The following TBC1D7 variants were observed in gnomAD, a reference collection of about 807,000 sequenced individuals.
The protein encoded by TBC1D7 is TBC1 domain family member 7.
In TBC1D7, 33 loss-of-function variants were observed where a neutral mutation model predicts 35.3. The ratio of observed to expected loss-of-function variants is 0.93; its 90% CI spans 0.71 to 1.25. The LOEUF is 1.25. Ranked by LOEUF, TBC1D7 falls within the 50% of genes most tolerant of loss-of-function variation. TBC1D7 has a pLI of 0.00. For missense variants in TBC1D7, 362 were observed against 365.3 expected (o/e 0.99, Z 0.07); for synonymous variants, 135 against 129.5 (o/e 1.04, Z -0.29).
intron 5 of TBC1D7, among the ~76,000 whole-genome samples, chr6:13,309,773 G>A (rs1783064855): frequency 6.6e-6 from 1 of 152,036 alleles, no homozygotes; most frequent in Non-Finnish European, 1.5e-5. Flanking sequence ...GTATTTTGCT[G>A]TTTGCATTCA....
At chr6:13,324,939 C>T (rs1784303582) in intron 3 of TBC1D7, among the ~76,000 whole-genome samples, 155 bp downstream of exon 3, 2 of 152,184 alleles carry the variant, frequency 1.3e-5, no homozygotes, top group Admixed American at 1.3e-4. Context: ...ATTAATAGAA[C>T]AGAAAATAAT....
At chr6:13,327,047 A>G (rs1784449258) in intron 1 of TBC1D7, 141 bp from the exon 2 acceptor site, 1 of 514,814 alleles carries the variant, frequency 1.9e-6, no homozygotes, top group Middle Eastern at 3.4e-4. Flanking sequence ...CATAGGACCC[A>G]ATATTAAATT....
intron 3 of TBC1D7, among the ~76,000 whole-genome samples, chr6:13,324,799 C>T (rs550842577): frequency 9.9e-5 from 15 of 152,154 alleles, no homozygotes; most frequent in Non-Finnish European, 1.6e-4. Context: ...AAAATGAGTC[C>T]CAGAGGGGTC....
intron 5 of TBC1D7, among the ~76,000 whole-genome samples, chr6:13,312,934 C>A (rs1395421052): frequency 6.6e-6 from 1 of 151,986 alleles, no homozygotes; most frequent in Admixed American, 6.6e-5. Context: ...CTCAACCAAC[C>A]ATGGGCCAAA....
intron 5 of TBC1D7, among the ~76,000 whole-genome samples, chr6:13,308,960 G>A (rs1783000534): frequency 6.6e-6 from 1 of 152,230 alleles, no homozygotes; most frequent in African/African-American, 2.4e-5. Flanking sequence ...AGTTTCTCAG[G>A]AGAGGTGACA....
chr6:13,307,436 A>G, intron 6 of TBC1D7, 164 bp downstream of exon 6: 1 of 698,120 alleles, frequency 1.4e-6, no homozygotes, highest in South Asian at 1.9e-5. Flanking sequence ...TGTATATTCA[A>G]GAATAAGCAG....
At position 13,307,671 on chromosome 6, in the gene TBC1D7, C is replaced by A. The variant is rs34393712; in HGVS notation, c.594G>T (p.Ala198=). ...LLTHLRMCSA[A]PKLPYDLWFK... ...ACCAGAGATCATAAGGAAGTTTGGGCGCCGCGGAACACATCCTCAGATGAG... is the reference window on the plus strand; with the variant it reads ...ACCAGAGATCATAAGGAAGTTTGGGAGCCGCGGAACACATCCTCAGATGAG... Residue 198 remains alanine (A), a synonymous_variant, in exon 6 of 8, where the codon GCG becomes GCT. Coordinates refer to ENST00000379300, the MANE Select transcript of TBC1D7 (RefSeq NM_016495.6). 13 of 1,614,092 alleles carry A rather than the reference C, an allele frequency of 8.1e-6. No homozygotes were observed. The African/African-American group carries it at 1.6e-4, about 20-fold the overall frequency.
At chr6:13,305,671 G>T in intron 7 of TBC1D7, 2 of 174,822 alleles carry the variant, frequency 1.1e-5, no homozygotes, top group Admixed American at 5.5e-5. Flanking sequence ...AATAGATTTT[G>T]GATTCTGTGA....
rs480329 is a variant in TBC1D7, at chr6:13,316,773, T to C, written c.382-65A>G. On this transcript the variant is annotated intron_variant, in intron 4 of 7. Coordinates refer to ENST00000379300, the MANE Select transcript of TBC1D7 (RefSeq NM_016495.6). Reference sequence around the variant, plus strand: ...AAGAGAGGAATACATATTTCTTTAATAAAAAATGAAACCTTGCTCCCTAAA... The same window carrying C: ...AAGAGAGGAATACATATTTCTTTAACAAAAAATGAAACCTTGCTCCCTAAA... 4,213 of 1,564,914 alleles carry C rather than the reference T, an allele frequency of 2.7e-3. 79 individuals carry two copies. In the African/African-American group the frequency reaches 0.047, roughly 17 times the overall value.
intron 3 of TBC1D7, among the ~76,000 whole-genome samples, chr6:13,322,772 A>C (rs1232538405): frequency 6.6e-6 from 1 of 152,234 alleles, no homozygotes; most frequent in Non-Finnish European, 1.5e-5. Flanking sequence ...CCAAGGGAAC[A>C]CACTAAAGTG....
intron 1 of TBC1D7, 94 bp from the exon 2 acceptor site, chr6:13,327,000 A>C: frequency 1.4e-6 from 1 of 693,310 alleles, no homozygotes; most frequent in Non-Finnish European, 2.4e-6. Flanking sequence ...ATAATTTTCA[A>C]TGATGTTCTC....
At chr6:13,316,844 C>CA in intron 4 of TBC1D7, 136 bp from the exon 5 acceptor site, 1 of 1,058,746 alleles carries the variant, frequency 9.4e-7, no homozygotes. Context: ...TCAAAAAGCA[C>CA]AGAGTCCCTC....
chr6:13,322,552 A>G (rs182309010), intron 3 of TBC1D7, among the ~76,000 whole-genome samples: 79 of 152,378 alleles, frequency 5.2e-4, no homozygotes, highest in South Asian at 8.3e-4. Flanking sequence ...ACTAAGCTGT[A>G]TAAGTGTTAG....
chr6:13,327,391 T>C (rs751740051), intron 1 of TBC1D7, among the ~76,000 whole-genome samples: 37 of 152,248 alleles, frequency 2.4e-4, no homozygotes, highest in Non-Finnish European at 5.1e-4. Context: ...TGGTTATCTT[T>C]AGATAGTAGG....
At position 13,321,066 on chromosome 6, in the gene TBC1D7, C is replaced by A. The variant is rs200046961; in HGVS notation, c.223G>T (p.Ala75Ser). The A allele has an allele frequency of 3.1e-6, 5 of 1,613,690 alleles. No individual in the cohort carries two copies. In the East Asian group the frequency reaches 1.1e-4, roughly 36 times the overall value. ...TCCTTACGATACATCATCACCTTGG[C>A]ATGGGACTCGTGGTGTGGAGGCAAG... The part of the protein sequence containing the change: ...GILPPHHESH[A>S]KVMMYRKEQY... The change falls in exon 4 of 8, where the codon GCC becomes TCC. Residue 75 changes from alanine (A) to serine (S), a missense_variant. Transcript: ENST00000379300.
At chr6:13,324,983 T>A (rs1017847900) in intron 3 of TBC1D7, 111 bp downstream of exon 3, 1 of 712,086 alleles carries the variant, frequency 1.4e-6, no homozygotes. Flanking sequence ...GAAGATCCAA[T>A]ATTCAGTAAA....
At chr6:13,328,072 G>A (rs1457910040) in intron 1 of TBC1D7, 1 of 152,130 alleles carries the variant, frequency 6.6e-6, no homozygotes, top group East Asian at 1.9e-4. Context: ...AATGAGTGTG[G>A]GGATTTATTT....
At chr6:13,311,512 A>G (rs1476221326) in intron 5 of TBC1D7, among the ~76,000 whole-genome samples, 3 of 152,234 alleles carry the variant, frequency 2.0e-5, no homozygotes, top group Admixed American at 6.5e-5. Flanking sequence ...GATAGACTAA[A>G]GATGGTTTCA....
At chr6:13,325,009 C>A (rs1180566482) in intron 3 of TBC1D7, 85 bp downstream of exon 3, 3 of 1,028,950 alleles carry the variant, frequency 2.9e-6, no homozygotes. Context: ...TAAACAAATT[C>A]TCCTTTTTCT....
Sources: allele counts gnomAD v4.1 joint callset (sites outside exome capture counted in the v4.1 genomes callset), GRCh38; gene constraint gnomAD v4.1.1; transcripts MANE v1.5; gene names NCBI Gene and HGNC (gene_info 2026-07-23, HGNC 2026-07-21).